The following WDR35 variants were observed in gnomAD, a reference collection of about 807,000 sequenced individuals.
WDR35 encodes WD repeat-containing protein 35.
A neutral mutation model predicts 158.3 loss-of-function variants in WDR35; 118 were observed. The ratio of observed to expected loss-of-function variants is 0.75; its 90% CI spans 0.64 to 0.87. The LOEUF (loss-of-function observed/expected upper bound fraction) is 0.87. Ranked by LOEUF, WDR35 falls within the 40% of genes least tolerant of loss-of-function variation. The probability of loss-of-function intolerance (pLI) is 0.00; values close to 1 mark genes in which losing one functional copy is unlikely to be tolerated. For synonymous variants in WDR35, 448 were observed against 476.1 expected (o/e 0.94, Z 0.77); for missense variants, 1,263 against 1,405.8 (o/e 0.90, Z 1.62).
Position 19,975,527 on chromosome 2 carries a change from T to C in WDR35, c.570+3A>G. 2 of 1,612,028 alleles carry C rather than the reference T, an allele frequency of 1.2e-6. No individual in the cohort carries two copies. The highest frequency in any genetic ancestry group is 1.7e-6 in the Non-Finnish European group (2 of 1,178,712). The stretch of plus-strand genomic sequence containing the variant: ...AACAAGACTGATGCATACACTTACT[T>C]ACCATAAAATTTCCTTGATTATCGT... On this transcript the variant is annotated splice_donor_region_variant and intron_variant, in intron 6 of 26. Transcript: ENST00000281405.
chr2:19,989,375 G>T, intron 1 of WDR35, 93 bp from the exon 2 acceptor site: 1 of 1,162,554 alleles, frequency 8.6e-7, no homozygotes. Flanking sequence ...AATCTTCCAA[G>T]AAGAAAAACG....
chr2:19,986,532 G>C (rs555697269), intron 2 of WDR35, among the ~76,000 whole-genome samples: 1 of 152,154 alleles, frequency 6.6e-6, no homozygotes, highest in Non-Finnish European at 1.5e-5. Flanking sequence ...GAATTCTCTT[G>C]TCTGGAAAAA....
At chr2:19,928,102 C>T (rs1054623383) in intron 25 of WDR35, among the ~76,000 whole-genome samples, 1 of 152,200 alleles carries the variant, frequency 6.6e-6, no homozygotes, top group Non-Finnish European at 1.5e-5. Flanking sequence ...GGCCATAACA[C>T]CCACTCTGGA....
chr2:19,953,750 T>C, intron 12 of WDR35, 84 bp downstream of exon 12: 1 of 1,572,528 alleles, frequency 6.4e-7, no homozygotes, highest in Non-Finnish European at 8.7e-7. Context: ...ACTACAGTTA[T>C]CAAGCATGAC....
intron 16 of WDR35, among the ~76,000 whole-genome samples, chr2:19,942,710 A>C (rs554977098): frequency 6.6e-6 from 1 of 152,276 alleles, no homozygotes; most frequent in South Asian, 2.1e-4. Context: ...CTGATTATTA[A>C]TGCATAAGTA....
chr2:19,979,301 T>C (rs1278991084), intron 4 of WDR35, among the ~76,000 whole-genome samples: 1 of 152,162 alleles, frequency 6.6e-6, no homozygotes, highest in Non-Finnish European at 1.5e-5. Flanking sequence ...TTTATACATA[T>C]GCACATAAAC....
At chr2:19,985,683 C>T (rs972912163) in intron 2 of WDR35, among the ~76,000 whole-genome samples, 18 of 147,438 alleles carry the variant, frequency 1.2e-4, no homozygotes, top group African/African-American at 4.5e-4. Context: ...CAGGAGATCA[C>T]GACCATCCTG....
chr2:19,962,835 C>T (rs941200301), intron 10 of WDR35, among the ~76,000 whole-genome samples: 12 of 151,924 alleles, frequency 7.9e-5, no homozygotes, highest in African/African-American at 2.9e-4. Context: ...TTAAAATAAG[C>T]TTATTTACTG....
chr2:19,913,546 T>G lies in WDR35; in HGVS notation c.*12A>C. Reference sequence around the variant, plus strand: ...ACATATATTTTACAGTTATATACAGTTTATCATTCCTTTATCCCACTGGAC... The same window carrying G: ...ACATATATTTTACAGTTATATACAGGTTATCATTCCTTTATCCCACTGGAC... On this transcript the variant is annotated 3_prime_UTR_variant, in exon 27 of 27. Coordinates refer to ENST00000281405, the MANE Select transcript of WDR35 (RefSeq NM_020779.4). 6.2e-7 allele frequency: 1 copy of G among 1,613,992 alleles called. No homozygotes were observed. Among genetic ancestry groups the G allele is most frequent in the Non-Finnish European group, 8.5e-7 (1 of 1,179,916 alleles).
chr2:19,978,042 T>C (rs1672265640), intron 5 of WDR35, among the ~76,000 whole-genome samples: 1 of 152,144 alleles, frequency 6.6e-6, no homozygotes. Flanking sequence ...TCTTAGCGCT[T>C]ATCACAGGAT....
intron 11 of WDR35, among the ~76,000 whole-genome samples, chr2:19,959,801 T>C (rs1671575762): frequency 6.6e-6 from 1 of 152,108 alleles, no homozygotes; most frequent in Non-Finnish European, 1.5e-5. Context: ...AATGGGTTTT[T>C]AATTTCTTAG....
intron 20 of WDR35, among the ~76,000 whole-genome samples, chr2:19,935,894 T>G (rs1173762214): frequency 6.6e-6 from 1 of 152,044 alleles, no homozygotes; most frequent in Non-Finnish European, 1.5e-5. Flanking sequence ...TTTCTGAAAA[T>G]AATATATAAT....
rs760663779 is a variant in WDR35, at chr2:19,989,166, T to C, written c.141A>G (p.Thr47=). Residue 47 remains threonine, a splice_region_variant and synonymous_variant, in exon 2 of 27, where the codon ACA becomes ACG. Coordinates refer to ENST00000281405, the MANE Select transcript of WDR35 (RefSeq NM_020779.4). ...ACATGTGGGCTTGCATTCATTTACC[T>C]GTCTGCGTCTCTAATTTCAAAACTT... is the stretch of plus-strand genomic sequence containing the variant. ...LLKVLKLETQ[T]DDAKLRGLAA... The C allele has an allele frequency of 1.2e-6, 2 of 1,613,948 alleles. No individual in the cohort carries two copies. The highest frequency in any genetic ancestry group is 1.7e-5 in the Admixed American group (1 of 60,032).
intron 25 of WDR35, among the ~76,000 whole-genome samples, chr2:19,926,193 C>CA: frequency 6.6e-6 from 1 of 151,542 alleles, no homozygotes; most frequent in East Asian, 1.9e-4. Flanking sequence ...GCTATAATTC[C>CA]AAAAAATTGG....
chr2:19,956,876 C>G (rs1671460974), intron 11 of WDR35, among the ~76,000 whole-genome samples: 1 of 152,170 alleles, frequency 6.6e-6, no homozygotes, highest in African/African-American at 2.4e-5. Context: ...GTCTTGGCCT[C>G]CCAAAGTGCT....
intron 3 of WDR35, 59 bp from the exon 4 acceptor site, chr2:19,980,842 T>G (rs1263840162): frequency 6.9e-7 from 1 of 1,445,032 alleles, no homozygotes; most frequent in Non-Finnish European, 9.7e-7. Context: ...CAAATTCACA[T>G]TTTTATATAA....
chr2:19,956,910 C>A (rs964347361), intron 11 of WDR35, among the ~76,000 whole-genome samples: 2 of 152,282 alleles, frequency 1.3e-5, no homozygotes, highest in East Asian at 1.9e-4. Context: ...TGAGCCACCG[C>A]GCCCGGCCAA....
Position 19,951,407 on chromosome 2 carries a change from T to C in WDR35, c.1470+8A>G, listed in dbSNP as rs1317056762. The C allele has an allele frequency of 6.2e-7, 1 of 1,602,272 alleles. No homozygotes were observed. The highest frequency in any genetic ancestry group is 8.5e-7 in the Non-Finnish European group (1 of 1,172,146). On this transcript the variant is annotated splice_region_variant and intron_variant, in intron 13 of 26. Coordinates refer to ENST00000281405, the MANE Select transcript of WDR35 (RefSeq NM_020779.4). Reference sequence around the variant, plus strand: ...TTAACATTTTCTGGAAAAATTAAAATCACCTACTTGAATGGTTTTACTATA... The same window carrying C: ...TTAACATTTTCTGGAAAAATTAAAACCACCTACTTGAATGGTTTTACTATA...
rs1669839207 is a variant in WDR35, at chr2:19,911,670, G to A, written c.*1888C>T. The A allele has an allele frequency of 6.6e-6, 1 of 152,218 alleles. No individual in the cohort carries two copies. Among genetic ancestry groups the A allele is most frequent in the African/African-American group, 2.4e-5 (1 of 41,454 alleles). The allele number at this position is 152,218 out of a possible 1,614,324, so 9.4% of individuals were successfully genotyped here. A position where few individuals can be genotyped will look rare whatever the true frequency, so the allele number is the denominator to read the frequency against. On this transcript the variant is annotated 3_prime_UTR_variant, in exon 27 of 27. Coordinates refer to ENST00000281405, the MANE Select transcript of WDR35 (RefSeq NM_020779.4). Reference sequence around the variant, plus strand: ...AGACTTATTAGGCAAAGTTAATAGAGCGTGTATGTGTGACCACAGATAGAA... The same window carrying A: ...AGACTTATTAGGCAAAGTTAATAGAACGTGTATGTGTGACCACAGATAGAA...
Sources: gnomAD v4.1 joint callset for allele counts (sites outside exome capture counted in the v4.1 genomes callset) on GRCh38, gnomAD v4.1.1 for gene constraint, MANE v1.5 for transcripts, NCBI Gene and HGNC (gene_info 2026-07-23, HGNC 2026-07-21) for gene names.